Variants in CDIN1 observed in about 807,000 individuals in gnomAD.
CDIN1 encodes the protein CDAN1-interacting nuclease 1.
A neutral mutation model predicts 45.3 loss-of-function variants in CDIN1; 33 were observed. The ratio of observed to expected loss-of-function variants is 0.73; its 90% CI spans 0.55 to 0.97. The LOEUF is 0.97. Ranked by LOEUF, CDIN1 falls within the 50% of genes least tolerant of loss-of-function variation. The pLI, the probability that CDIN1 is intolerant of heterozygous loss-of-function variation, is 0.00. For missense variants in CDIN1, 303 were observed against 339.4 expected (o/e 0.89, Z 0.84); for synonymous variants, 118 against 124.4 (o/e 0.95, Z 0.34).
At chr15:36,806,850 A>G (rs1263521834) in intron 10 of CDIN1, among the ~76,000 whole-genome samples, 1 of 152,194 alleles carries the variant, frequency 6.6e-6, no homozygotes, top group Non-Finnish European at 1.5e-5. Context: ...TTCGTCTTGT[A>G]TGCATTTGAG....
chr15:36,583,455 T>C (rs1174140342), intron 1 of CDIN1, among the ~76,000 whole-genome samples: 1 of 152,202 alleles, frequency 6.6e-6, no homozygotes, highest in Non-Finnish European at 1.5e-5. Context: ...TTACGTGGTC[T>C]CAGAATCCTT....
rs570607871 is a variant in CDIN1, at chr15:36,689,570, C to T, written c.347-2115C>T. On this transcript the variant is annotated intron_variant, in intron 5 of 10. Coordinates refer to ENST00000566621, the MANE Select transcript of CDIN1 (RefSeq NM_001321759.2). ...CCATGTGGTGACTCGAGTGGCAGGC[C>T]AGAGAGAGTTCCCTCTAGAAGGTAA... 3.0e-3 allele frequency among the ~76,000 whole-genome samples: 456 copies of T among 152,248 alleles called. 4 individuals are homozygous for T. Among genetic ancestry groups the T allele is most frequent in the African/African-American group, 0.011 (440 of 41,536 alleles).
At chr15:36,796,027 G>GGTAAA (rs1481799621) in intron 10 of CDIN1, among the ~76,000 whole-genome samples, 1 of 151,876 alleles carries the variant, frequency 6.6e-6, no homozygotes, top group African/African-American at 2.4e-5. Context: ...TTTCATCCTG[G>GGTAAA]GTAAAGTATG....
At chr15:36,617,951 A>G (rs999259159) in intron 1 of CDIN1, 4 of 762,920 alleles carry the variant, frequency 5.2e-6, no homozygotes, top group Non-Finnish European at 9.8e-6. Flanking sequence ...AATGGATTCT[A>G]GTATCTATAG....
At chr15:36,655,629 G>A (rs1370558057) in intron 4 of CDIN1, among the ~76,000 whole-genome samples, 1 of 152,134 alleles carries the variant, frequency 6.6e-6, no homozygotes, top group East Asian at 1.9e-4. Context: ...CCGGCCAGCA[G>A]GCTGGTTTTT....
At chr15:36,805,169 G>A (rs1439516906) in intron 10 of CDIN1, among the ~76,000 whole-genome samples, 3 of 152,062 alleles carry the variant, frequency 2.0e-5, no homozygotes, top group African/African-American at 7.2e-5. Flanking sequence ...CATTCTAGTC[G>A]CTGCTTCCCA....
At chr15:36,765,057 C>CTTTTTTTTTTTTTT (rs377685100) in intron 10 of CDIN1, among the ~76,000 whole-genome samples, 1 of 139,642 alleles carries the variant, frequency 7.2e-6, no homozygotes, top group Non-Finnish European at 1.5e-5. Flanking sequence ...ATTTTTCTTT[C>CTTTTTTTTTTTTTT]TTTCTTTTTT....
intron 8 of CDIN1, chr15:36,708,968 A>G: frequency 3.1e-6 from 1 of 323,278 alleles, no homozygotes; most frequent in Non-Finnish European, 5.6e-6. Flanking sequence ...AAGGTAGTAT[A>G]TGACAGCTTG....
chr15:36,593,086 A>G (rs570688085), intron 1 of CDIN1, among the ~76,000 whole-genome samples: 11 of 152,334 alleles, frequency 7.2e-5, no homozygotes, highest in African/African-American at 2.4e-4. Context: ...GATAATACAT[A>G]TAAAATGATT....
intron 1 of CDIN1, among the ~76,000 whole-genome samples, chr15:36,593,190 T>C (rs867399026): frequency 3.3e-5 from 5 of 152,340 alleles, no homozygotes; most frequent in Non-Finnish European, 5.9e-5. Context: ...GTATTTATGG[T>C]TATGATAGTT....
At chr15:36,636,219 C>T (rs940257164) in intron 1 of CDIN1, among the ~76,000 whole-genome samples, 8 of 152,072 alleles carry the variant, frequency 5.3e-5, no homozygotes, top group African/African-American at 1.4e-4. Context: ...TTGACTGTTA[C>T]CTGACATCAT....
At chr15:36,583,888 C>T (rs1395729207) in intron 1 of CDIN1, among the ~76,000 whole-genome samples, 5 of 151,988 alleles carry the variant, frequency 3.3e-5, no homozygotes, top group Admixed American at 2.0e-4. Flanking sequence ...CGGTGGCGGG[C>T]GCCTGTAGTC....
chr15:36,686,173 A>G (rs969512645), intron 5 of CDIN1, among the ~76,000 whole-genome samples: 13 of 152,146 alleles, frequency 8.5e-5, no homozygotes, highest in African/African-American at 2.2e-4. Context: ...ATGTCCAACA[A>G]TGATAGACTG....
At chr15:36,714,825 C>T (rs1183926279) in intron 10 of CDIN1, among the ~76,000 whole-genome samples, 1 of 152,184 alleles carries the variant, frequency 6.6e-6, no homozygotes, top group Non-Finnish European at 1.5e-5. Flanking sequence ...AAAGGGCCCT[C>T]CAGGCCCTGG....
chr15:36,587,401 C>T (rs1220685599), intron 1 of CDIN1, among the ~76,000 whole-genome samples: 3 of 149,256 alleles, frequency 2.0e-5, no homozygotes, highest in South Asian at 2.1e-4. Context: ...AATCTCACCT[C>T]TCTTTACCAG....
intron 3 of CDIN1, among the ~76,000 whole-genome samples, chr15:36,650,098 G>A (rs2040510117): frequency 6.6e-6 from 1 of 152,080 alleles, no homozygotes; most frequent in Non-Finnish European, 1.5e-5. Flanking sequence ...CGCTGCTAAA[G>A]CTGGCTCCTC....
At chr15:36,634,253 AC>A (rs1311731441) in intron 1 of CDIN1, among the ~76,000 whole-genome samples, 1 of 151,818 alleles carries the variant, frequency 6.6e-6, no homozygotes, top group African/African-American at 2.4e-5. Flanking sequence ...ACATGGTGAA[AC>A]CCCGTCTCCA....
chr15:36,688,789 A>G (rs987943477), intron 5 of CDIN1, among the ~76,000 whole-genome samples: 2 of 152,212 alleles, frequency 1.3e-5, no homozygotes, highest in African/African-American at 4.8e-5. Flanking sequence ...TTGAGATGGC[A>G]GTTCCTAAGC....
rs772177152 is a variant in CDIN1, at chr15:36,654,097, G to C, written c.213-1G>C. 2.5e-6 allele frequency: 4 copies of C among 1,575,926 alleles called. No homozygotes were observed. Among genetic ancestry groups the C allele is most frequent in the Non-Finnish European group, 3.5e-6 (4 of 1,158,516 alleles). On this transcript the variant is annotated splice_acceptor_variant, in intron 3 of 10. Transcript: ENST00000566621. LOFTEE classifies it high-confidence loss of function. The stretch of plus-strand genomic sequence containing the variant: ...TTACCACTTGGCTTTGTCTTGTCTA[G>C]GTACCTGAATGGAGTGGTGAAAAAT...
Sources: gnomAD v4.1 joint callset for allele counts (sites outside exome capture counted in the v4.1 genomes callset) on GRCh38, gnomAD v4.1.1 for gene constraint, MANE v1.5 for transcripts, NCBI Gene and HGNC (gene_info 2026-07-23, HGNC 2026-07-21) for gene names.